FSTL4: variants seen among roughly 807,000 people sequenced by gnomAD.
FSTL4 encodes the protein follistatin like 4.
In FSTL4, 28 loss-of-function variants were observed where a neutral mutation model predicts 78.2. The observed-to-expected ratio is 0.36, with a 90% CI of 0.27 to 0.49. The LOEUF (loss-of-function observed/expected upper bound fraction) is 0.49. Among genes scored for constraint, FSTL4 ranks in the 20% least tolerant of loss-of-function variants. The pLI, the probability that FSTL4 is intolerant of heterozygous loss-of-function variation, is 0.98. For missense variants in FSTL4, 922 were observed against 1,084.9 expected, an observed-to-expected ratio of 0.85 and a Z score of 2.11; for synonymous variants, 422 against 440.5, an observed-to-expected ratio of 0.96 and a Z score of 0.53.
At chr5:133,665,862 G>A in the FSTL4 span, among the ~76,000 whole-genome samples, 20 of 152,270 alleles carry the variant, frequency 1.3e-4, no homozygotes, top group African/African-American at 3.6e-4. Context: ...CTGTCTCTAC[G>A]CAGCCCTTGC....
upstream of FSTL4, among the ~76,000 whole-genome samples, chr5:133,613,703 C>G (rs1463078683): frequency 6.6e-6 from 1 of 152,200 alleles, no homozygotes; most frequent in East Asian, 1.9e-4. Context: ...AGCTCTCCCT[C>G]TATCACTGCC....
At chr5:133,543,831 C>A (rs1759522492) in intron 3 of FSTL4, among the ~76,000 whole-genome samples, 1 of 151,546 alleles carries the variant, frequency 6.6e-6, no homozygotes, top group African/African-American at 2.4e-5. Flanking sequence ...ATTTTTTCTG[C>A]CTTTTCTATT....
At chr5:133,497,957 C>G (rs10060134) in intron 3 of FSTL4, among the ~76,000 whole-genome samples, 3,197 of 152,230 alleles carry the variant, frequency 0.021, 119 homozygotes, top group African/African-American at 0.073. Context: ...AGGCCCAGCT[C>G]TGTGCACTGG....
chr5:133,294,035 G>A (rs1448396588), intron 6 of FSTL4, among the ~76,000 whole-genome samples: 1 of 152,124 alleles, frequency 6.6e-6, no homozygotes, highest in African/African-American at 2.4e-5. Context: ...TGACTGGGAT[G>A]CCTTTTCCCA....
At chr5:133,717,279 AG>A in the FSTL4 span, among the ~76,000 whole-genome samples, 1 of 152,246 alleles carries the variant, frequency 6.6e-6, no homozygotes, top group Non-Finnish European at 1.5e-5. Flanking sequence ...TACTCCTTAT[AG>A]GGTCCTAATT....
At chr5:133,788,920 G>A in the FSTL4 span, among the ~76,000 whole-genome samples, 1 of 152,120 alleles carries the variant, frequency 6.6e-6, no homozygotes, top group African/African-American at 2.4e-5. Context: ...TTCTCAGGAA[G>A]GAGAAGAAAA....
intron 3 of FSTL4, among the ~76,000 whole-genome samples, chr5:133,509,325 A>G (rs1006243118): frequency 4.6e-5 from 7 of 152,136 alleles, no homozygotes; most frequent in Admixed American, 2.0e-4. Context: ...CTTTTTTACA[A>G]CACAGCAAAG....
At chr5:133,430,413 A>G (rs184422728) in intron 3 of FSTL4, among the ~76,000 whole-genome samples, 77 of 152,262 alleles carry the variant, frequency 5.1e-4, no homozygotes, top group African/African-American at 1.8e-3. Context: ...TGGCTCTAGG[A>G]CAGTGATGTT....
intron 4 of FSTL4, among the ~76,000 whole-genome samples, chr5:133,395,746 T>G (rs1304433957): frequency 6.6e-6 from 1 of 152,128 alleles, no homozygotes; most frequent in African/African-American, 2.4e-5. Flanking sequence ...TTCCCCACAC[T>G]CTCAACCTAG....
intron 2 of FSTL4, among the ~76,000 whole-genome samples, chr5:133,601,686 C>CTT (rs1325674595): frequency 1.5e-5 from 2 of 132,072 alleles, no homozygotes; most frequent in Admixed American, 1.5e-4. Flanking sequence ...TTCTTTCTTT[C>CTT]TTTTTTTTTT....
At chr5:133,342,673 A>C (rs1040240848) in intron 4 of FSTL4, among the ~76,000 whole-genome samples, 24 of 152,230 alleles carry the variant, frequency 1.6e-4, no homozygotes, top group Admixed American at 1.4e-3. Context: ...GACACAGGGC[A>C]AATGTCAGTT....
intron 6 of FSTL4, among the ~76,000 whole-genome samples, chr5:133,302,722 T>C (rs1019619591): frequency 2.0e-5 from 3 of 152,362 alleles, no homozygotes; most frequent in South Asian, 2.1e-4. Flanking sequence ...CAGACCACTG[T>C]GTGGAACCAT....
intron 3 of FSTL4, among the ~76,000 whole-genome samples, chr5:133,525,749 A>T (rs774275331): frequency 7.2e-5 from 11 of 152,226 alleles, no homozygotes; most frequent in Non-Finnish European, 1.6e-4. Context: ...CTTGTCATGC[A>T]AATGAAGAAA....
the FSTL4 span, among the ~76,000 whole-genome samples, chr5:133,836,917 T>A: frequency 6.6e-5 from 10 of 152,318 alleles, no homozygotes; most frequent in East Asian, 1.3e-3. Flanking sequence ...TCGTGATGTG[T>A]CTAGGTGTAT....
At chr5:133,553,042 T>A (rs944341569) in intron 3 of FSTL4, among the ~76,000 whole-genome samples, 1 of 152,190 alleles carries the variant, frequency 6.6e-6, no homozygotes, top group Non-Finnish European at 1.5e-5. Flanking sequence ...GTGCTCCAAC[T>A]GCAGCGGCTA....
At chr5:133,615,160 G>A (rs1693771620), upstream of FSTL4, among the ~76,000 whole-genome samples, 1 of 152,180 alleles carries the variant, frequency 6.6e-6, no homozygotes, top group Non-Finnish European at 1.5e-5. Context: ...CTAACTGTGG[G>A]TCAGCTTACC....
chr5:133,652,224 A>T, the FSTL4 span, among the ~76,000 whole-genome samples: 1 of 151,758 alleles, frequency 6.6e-6, no homozygotes, highest in Non-Finnish European at 1.5e-5. Context: ...GATTTTCCCC[A>T]TTGATTTTCT....
At chr5:133,514,223 T>A (rs188934709) in intron 3 of FSTL4, among the ~76,000 whole-genome samples, 260 of 148,200 alleles carry the variant, frequency 1.8e-3, no homozygotes, top group African/African-American at 6.0e-3. Context: ...ATAATAATAA[T>A]AAACCGTTGG....
At chr5:133,439,950 G>A (rs943952059) in intron 3 of FSTL4, among the ~76,000 whole-genome samples, 1 of 152,228 alleles carries the variant, frequency 6.6e-6, no homozygotes, top group Non-Finnish European at 1.5e-5. Flanking sequence ...GACACCCTGG[G>A]AGGGGTCAGA....
Sources: allele counts gnomAD v4.1 joint callset (sites outside exome capture counted in the v4.1 genomes callset), GRCh38; gene constraint gnomAD v4.1.1; transcripts MANE v1.5; gene names NCBI Gene and HGNC (gene_info 2026-07-23, HGNC 2026-07-21).